SCML4: variants seen among roughly 807,000 people sequenced by gnomAD.
SCML4 encodes the protein sex comb on midleg-like protein 4.
In SCML4, 34 loss-of-function variants were observed where a neutral mutation model predicts 41.1. The observed-to-expected ratio is 0.83, with a 90% CI of 0.63 to 1.10. The LOEUF (loss-of-function observed/expected upper bound fraction) is 1.10. Among genes scored for constraint, SCML4 ranks in the 50% least tolerant of loss-of-function variants. SCML4 has a pLI of 0.00. For missense variants in SCML4, 522 were observed against 534.1 expected (o/e 0.98, Z 0.22); for synonymous variants, 214 against 220.9 (o/e 0.97, Z 0.28).
intron 1 of SCML4, among the ~76,000 whole-genome samples, chr6:107,816,014 G>A (rs1303805836): frequency 6.6e-6 from 1 of 152,230 alleles, no homozygotes; most frequent in African/African-American, 2.4e-5. Flanking sequence ...GCTACAGCAT[G>A]AAAGAGCTCT....
chr6:107,720,470 C>A, intron 6 of SCML4: 1 of 1,252,098 alleles, frequency 8.0e-7, no homozygotes, highest in Non-Finnish European at 1.0e-6. Flanking sequence ...ATTTTGGAGT[C>A]TACGTATCCT....
chr6:107,762,805 C>T (rs6924320), intron 2 of SCML4, among the ~76,000 whole-genome samples: 109,578 of 150,392 alleles, frequency 0.73, 41,253 homozygotes, highest in East Asian at 0.9. Flanking sequence ...AACTCTGAGA[C>T]AATAAATTTC....
chr6:107,745,246 G>T, intron 4 of SCML4, 103 bp from the exon 5 acceptor site: 1 of 831,952 alleles, frequency 1.2e-6, no homozygotes, highest in Non-Finnish European at 1.9e-6. Flanking sequence ...TTGTTTTGTT[G>T]CTAAGCAGAC....
At chr6:107,814,514 A>G (rs1784423542) in intron 1 of SCML4, among the ~76,000 whole-genome samples, 1 of 152,202 alleles carries the variant, frequency 6.6e-6, no homozygotes, top group Non-Finnish European at 1.5e-5. Context: ...TTTTAAGCCA[A>G]CCTACAGAAG....
chr6:107,782,732 C>T (rs1781610917), intron 1 of SCML4, among the ~76,000 whole-genome samples: 1 of 150,972 alleles, frequency 6.6e-6, no homozygotes, highest in South Asian at 2.1e-4. Flanking sequence ...AGGTGCTGGT[C>T]TGAGTTTGCC....
At chr6:107,755,925 A>G (rs947699770) in intron 2 of SCML4, among the ~76,000 whole-genome samples, 3 of 152,222 alleles carry the variant, frequency 2.0e-5, no homozygotes, top group Admixed American at 1.3e-4. Flanking sequence ...GCCAACTGAA[A>G]GAGCTCCCAG....
chr6:107,788,636 T>C (rs75062177), intron 1 of SCML4, among the ~76,000 whole-genome samples: 2,816 of 152,216 alleles, frequency 0.018, 96 homozygotes, highest in African/African-American at 0.062. Flanking sequence ...ATGATGCCCA[T>C]CTCATGGGGG....
intron 1 of SCML4, among the ~76,000 whole-genome samples, chr6:107,814,205 C>T (rs545075828): frequency 3.9e-5 from 6 of 152,314 alleles, no homozygotes; most frequent in South Asian, 2.1e-4. Context: ...CTCGTTCTTA[C>T]GTATTGAACA....
chr6:107,778,072 C>T (rs529019757), intron 1 of SCML4, among the ~76,000 whole-genome samples: 1 of 150,432 alleles, frequency 6.6e-6, no homozygotes, highest in Non-Finnish European at 1.5e-5. Flanking sequence ...AAAAATTAGC[C>T]AGGCATGATA....
chr6:107,748,896 G>T (rs1479958014), intron 3 of SCML4, among the ~76,000 whole-genome samples: 3 of 152,182 alleles, frequency 2.0e-5, no homozygotes, highest in African/African-American at 4.8e-5. Flanking sequence ...GTGGCCCGAA[G>T]GGATGATCAC....
At chr6:107,726,203 C>G (rs938280111) in intron 5 of SCML4, among the ~76,000 whole-genome samples, 17 of 151,650 alleles carry the variant, frequency 1.1e-4, no homozygotes, top group African/African-American at 4.1e-4. Context: ...TAGACTTATA[C>G]AACCAACCTG....
the SCML4 span, among the ~76,000 whole-genome samples, chr6:107,842,554 C>T: frequency 6.6e-5 from 10 of 152,296 alleles, no homozygotes; most frequent in Admixed American, 1.3e-4. Flanking sequence ...TGTACCACCA[C>T]GCCCAGCTAA....
intron 1 of SCML4, among the ~76,000 whole-genome samples, chr6:107,812,403 T>G (rs1194652554): frequency 1.3e-5 from 2 of 152,240 alleles, no homozygotes; most frequent in African/African-American, 4.8e-5. Flanking sequence ...GTGCCACCTT[T>G]GTGATATTTG....
At chr6:107,801,491 T>C (rs923066273) in intron 1 of SCML4, among the ~76,000 whole-genome samples, 18 of 152,118 alleles carry the variant, frequency 1.2e-4, no homozygotes, top group African/African-American at 4.3e-4. Context: ...ATGAGCTCAT[T>C]TCTCTCCAGA....
Position 107,749,744 on chromosome 6 carries a change from T to C in SCML4, c.226A>G (p.Ser76Gly). The C allele has an allele frequency of 8.7e-6, 14 of 1,614,004 alleles. No homozygotes were observed. Among genetic ancestry groups the C allele is most frequent in the Non-Finnish European group, 1.1e-5 (13 of 1,179,972 alleles). Reference protein sequence around the residue: ...PPRSTPEPDLSSIPQDAATVP... With the variant: ...PPRSTPEPDLGSIPQDAATVP... Reference sequence around the variant, plus strand: ...GTGGCTGCGTCCTGAGGGATGGAGCTGAGGTCGGGCTCTGGGGTACTCCGC... The same window carrying C: ...GTGGCTGCGTCCTGAGGGATGGAGCCGAGGTCGGGCTCTGGGGTACTCCGC... The change falls in exon 3 of 8, where the codon AGC becomes GGC. Residue 76 changes from serine (S) to glycine (G), a missense_variant. Physicochemically the swap from Ser to Gly is moderately conservative, Grantham distance 56 (BLOSUM62 0). Transcript: ENST00000369020.
chr6:107,818,148 G>T (rs4588711), intron 1 of SCML4, among the ~76,000 whole-genome samples: 63,194 of 152,090 alleles, frequency 0.42, 16,145 homozygotes, highest in East Asian at 0.7. Flanking sequence ...CTTTCCACTT[G>T]AAGTTTTTTT....
chr6:107,839,983 A>T, the SCML4 span, among the ~76,000 whole-genome samples: 1 of 152,216 alleles, frequency 6.6e-6, no homozygotes, highest in Non-Finnish European at 1.5e-5. Flanking sequence ...ACACAATTTT[A>T]AAAATGTAAA....
intron 1 of SCML4, among the ~76,000 whole-genome samples, chr6:107,790,002 T>A (rs1782201491): frequency 6.6e-6 from 1 of 152,230 alleles, no homozygotes; most frequent in East Asian, 1.9e-4. Flanking sequence ...TCTATACAGA[T>A]GACAGCTCAG....
chr6:107,742,337 A>T (rs1583462357), intron 5 of SCML4, among the ~76,000 whole-genome samples: 2 of 152,224 alleles, frequency 1.3e-5, no homozygotes, highest in South Asian at 4.1e-4. Context: ...AGTGTTCAAG[A>T]AGGAGTCAAG....
Sources: allele counts gnomAD v4.1 joint callset (sites outside exome capture counted in the v4.1 genomes callset), GRCh38; gene constraint gnomAD v4.1.1; transcripts MANE v1.5; gene names NCBI Gene and HGNC (gene_info 2026-07-23, HGNC 2026-07-21).